The following DSP variants were observed in gnomAD, a reference collection of about 807,000 sequenced individuals.
DSP encodes desmoplakin.
Under a neutral mutation model 290.6 loss-of-function variants are expected in DSP, and 114 were observed. The ratio of observed to expected loss-of-function variants is 0.39; its 90% confidence interval spans 0.34 to 0.46. The LOEUF is 0.46. Ranked by LOEUF, DSP falls within the 20% of genes least tolerant of loss-of-function variation. The pLI is 0.99. For synonymous variants in DSP, 1,311 were observed against 1,316.4 expected (o/e 1.00, Z 0.09); for missense variants, 3,230 against 3,495.8 (o/e 0.92, Z 1.92).
In DSP at chr6:7,582,173, T is replaced by A. The variant is rs1296850381; in HGVS notation, c.5380-469T>A. On this transcript the variant is annotated intron_variant, in intron 23 of 23. Coordinates refer to ENST00000379802, the MANE Select transcript of DSP (RefSeq NM_004415.4). The surrounding 1 kb of genome is among the most constrained non-coding windows in gnomAD (Gnocchi z 4.2). ...GTGTGTGTGTGTGTGTGTGTATATC[T>A]ATATATTATATATATAATTATATAA... Among the ~76,000 whole-genome samples the A allele has an allele frequency of 6.8e-6, 1 of 147,108 alleles. No individual in the cohort carries two copies. The highest frequency in any genetic ancestry group is 2.5e-5 in the African/African-American group (1 of 40,572).
At chr6:7,573,861 T>A (rs1759139231) in intron 15 of DSP, among the ~76,000 whole-genome samples, 1 of 152,152 alleles carries the variant, frequency 6.6e-6, no homozygotes, top group Admixed American at 6.5e-5. Context: ...CAGGTAGTAA[T>A]CTTGTAGTGT....
rs1758615151 is a variant in DSP, at chr6:7,559,461, C to T, written c.597+61C>T. ...GCCAGACGTTCCAGCACGATGGGGTCAGCCCATGTGTTTGTGTGACAAAGA... is the reference window on the plus strand; with the variant it reads ...GCCAGACGTTCCAGCACGATGGGGTTAGCCCATGTGTTTGTGTGACAAAGA... On this transcript the variant is annotated intron_variant, in intron 4 of 23. Transcript: ENST00000379802. 3 of 1,601,662 alleles carry T rather than the reference C, an allele frequency of 1.9e-6. No homozygotes were observed. In the African/African-American group the frequency reaches 4.0e-5, roughly 21 times the overall value.
Position 7,584,422 on chromosome 6 carries a change from C to T in DSP, c.7160C>T (p.Pro2387Leu), listed in dbSNP as rs781533060. 2 of 1,614,128 alleles carry T rather than the reference C, an allele frequency of 1.2e-6. No individual in the cohort carries two copies. The highest frequency in any genetic ancestry group is 2.2e-5 in the South Asian group (2 of 91,070). The stretch of plus-strand genomic sequence containing the variant: ...GACCCAAAGGAGAGCCATCGTTTAC[C>T]AGTTGACATAGCATATAAGAGGGGC... ...IIDPKESHRL[P>L]VDIAYKRGYF... The change falls in exon 24 of 24, where the codon CCA (proline) becomes CTA (leucine). Residue 2387 changes from proline (P) to leucine (L), a missense_variant. Pro to Leu is a moderately conservative substitution (Grantham distance 98, BLOSUM62 -3). This residue lies in a region of DSP where 207 missense variants were observed against 281.2 expected (regional missense o/e 0.74). Coordinates refer to ENST00000379802, the MANE Select transcript of DSP (RefSeq NM_004415.4). The surrounding 1 kb of genome is among the most constrained non-coding windows in gnomAD (Gnocchi z 6.4).
rs186839901 is a variant in DSP at position 7,549,648 on chromosome 6, C to T, written c.171-6070C>T. ...CTATCATAATTCCTAACACACATTTCCTGAGTTTTTCCTAGGTAATTATTC... is the reference window on the plus strand; with the variant it reads ...CTATCATAATTCCTAACACACATTTTCTGAGTTTTTCCTAGGTAATTATTC... On this transcript the variant is annotated intron_variant, in intron 1 of 23. Coordinates refer to ENST00000379802, the MANE Select transcript of DSP (RefSeq NM_004415.4). 2.3e-4 allele frequency among the ~76,000 whole-genome samples: 35 copies of T among 152,256 alleles called. 2 individuals carry two copies. The highest frequency in any genetic ancestry group is 8.2e-4 in the African/African-American group (34 of 41,532).
intron 8 of DSP, among the ~76,000 whole-genome samples, chr6:7,566,691 G>C (rs1758875424): frequency 6.6e-6 from 1 of 152,192 alleles, no homozygotes; most frequent in South Asian, 2.1e-4. Context: ...TTTGGTCTCT[G>C]TTACAATTAC....
intron 1 of DSP, among the ~76,000 whole-genome samples, chr6:7,547,420 A>T (rs978780361): frequency 1.3e-5 from 2 of 151,558 alleles, no homozygotes; most frequent in African/African-American, 4.8e-5. Context: ...TTGGAATTAC[A>T]TTTTGTTTGT....
intron 21 of DSP, 36 bp downstream of exon 21, chr6:7,577,922 C>T (rs1759294565): frequency 6.6e-7 from 1 of 1,522,670 alleles, no homozygotes. Context: ...AAAACCTGCC[C>T]CTCCTTCTGC....
At chr6:7,556,580 C>G (rs1004485573) in intron 2 of DSP, among the ~76,000 whole-genome samples, 2 of 152,220 alleles carry the variant, frequency 1.3e-5, no homozygotes, top group African/African-American at 2.4e-5. Flanking sequence ...TGGCATCTGC[C>G]TCTTCACAAA....
intron 12 of DSP, 80 bp from the exon 13 acceptor site, chr6:7,570,357 G>T: frequency 6.2e-7 from 1 of 1,606,634 alleles, no homozygotes; most frequent in African/African-American, 1.3e-5. Context: ...TTGTGCAGTG[G>T]TGTGAGCGTG....
At chr6:7,574,819 G>T in intron 17 of DSP, 24 bp downstream of exon 17, 1 of 1,614,048 alleles carries the variant, frequency 6.2e-7, no homozygotes. Context: ...TTATAACAGT[G>T]GCCCAACTTA....
chr6:7,580,959 A>T lies in DSP; in HGVS notation c.4769A>T (p.Lys1590Met). Residue 1590 changes from lysine to methionine, a missense_variant, in exon 23 of 24, where the codon AAG (lysine) becomes ATG (methionine). By Grantham distance (95) the Lys-to-Met change is moderately conservative (BLOSUM62 -1). Coordinates refer to ENST00000379802, the MANE Select transcript of DSP (RefSeq NM_004415.4). This position sits in a 1 kb window ranked among gnomAD's most constrained non-coding sequence, Gnocchi z 4.2. ...LKRTASEDSC[K>M]RKKLEEELEG... is the part of the protein sequence containing the mutation. The stretch of plus-strand genomic sequence containing the variant: ...AGGACCGCGTCAGAAGACTCCTGCA[A>T]GAGGAAGAAGCTGGAGGAAGAGCTG... 1 of 1,614,108 alleles carries T rather than the reference A, an allele frequency of 6.2e-7. No individual in the cohort carries two copies. The highest frequency in any genetic ancestry group is 2.2e-5 in the East Asian group (1 of 44,874).
intron 3 of DSP, 115 bp from the exon 4 acceptor site, chr6:7,559,111 A>G: frequency 8.3e-7 from 1 of 1,209,464 alleles, no homozygotes; most frequent in Non-Finnish European, 1.2e-6. Context: ...CAAATACCAT[A>G]AAACATTTGT....
chr6:7,559,125 T>C, intron 3 of DSP, 101 bp from the exon 4 acceptor site: 3 of 1,318,704 alleles, frequency 2.3e-6, no homozygotes, highest in Non-Finnish European at 2.2e-6. Flanking sequence ...CATTTGTAGC[T>C]TCTCTATTGA....
Position 7,580,707 on chromosome 6 carries a change from G to A in DSP, c.4517G>A (p.Arg1506Lys), listed in dbSNP as rs1561699040. The A allele has an allele frequency of 1.9e-6, 3 of 1,613,926 alleles. No homozygotes were observed. Among genetic ancestry groups the A allele is most frequent in the East Asian group, 2.2e-5 (1 of 44,888 alleles). ...DRKCLEDENA[R>K]LQRVQYDLQK... ...AAATGCCTGGAAGATGAAAACGCGAGATTACAAAGGGTCCAGTATGACCTG... is the reference window on the plus strand; with the variant it reads ...AAATGCCTGGAAGATGAAAACGCGAAATTACAAAGGGTCCAGTATGACCTG... Residue 1506 changes from arginine (R) to lysine (K), a missense_variant, in exon 23 of 24, where the codon AGA becomes AAA. Arg to Lys is a conservative substitution (Grantham distance 26, BLOSUM62 2). This residue lies in a region of DSP where 1,714 missense variants were observed against 1,844.5 expected (regional missense o/e 0.93). Transcript: ENST00000379802. This position sits in a 1 kb window ranked among gnomAD's most constrained non-coding sequence, Gnocchi z 4.2.
At chr6:7,568,937 CTA>C (rs1466671543) in intron 11 of DSP, among the ~76,000 whole-genome samples, 1 of 152,124 alleles carries the variant, frequency 6.6e-6, no homozygotes, top group African/African-American at 2.4e-5. Context: ...ATGTCTCTCA[CTA>C]TGGGTGACAC....
rs794728106 is a variant in DSP at position 7,555,821 on chromosome 6, G to A, written c.273+1G>A. 6.2e-7 allele frequency: 1 copy of A among 1,613,500 alleles called. No individual in the cohort carries two copies. Among genetic ancestry groups the A allele is most frequent in the Non-Finnish European group, 8.5e-7 (1 of 1,179,782 alleles). On this transcript the variant is annotated splice_donor_variant, in intron 2 of 23. Transcript: ENST00000379802. LOFTEE classifies it high-confidence loss of function. ...GCGAGCAGAGCTCATCGTGCAGCCT[G>A]TAAGCTTTCCCTGTTCCCATCGCTT... is the stretch of plus-strand genomic sequence containing the variant.
chr6:7,582,887 G>T lies in DSP; in HGVS notation c.5625G>T (p.Glu1875Asp). The T allele has an allele frequency of 6.2e-7, 1 of 1,614,112 alleles. No homozygotes were observed. Residue 1875 changes from glutamate to aspartate, a missense_variant, in exon 24 of 24, where the codon GAG becomes GAT. Transcript: ENST00000379802. This position sits in a 1 kb window ranked among gnomAD's most constrained non-coding sequence, Gnocchi z 4.2. ...GGAAGACTCAATATTCCCGCAAGGA[G>T]GAGGCTATTAGGAAGATAGAATCGG... ...NQWKTQYSRK[E>D]EAIRKIESER...
At position 7,571,964 on chromosome 6, in the gene DSP, C is replaced by T. The variant is rs756249036; in HGVS notation, c.2026C>T (p.Arg676Cys). 11 of 1,613,994 alleles carry T rather than the reference C, an allele frequency of 6.8e-6. No homozygotes were observed. Among genetic ancestry groups the T allele is most frequent in the East Asian group, 2.2e-5 (1 of 44,884 alleles). The change falls in exon 15 of 24, where the codon CGC becomes TGC. Residue 676 changes from arginine to cysteine, a missense_variant. Around this residue, in one of 5 missense-constraint regions of DSP, gnomAD observed 1,714 missense variants for 1,844.5 expected, o/e 0.93. Transcript: ENST00000379802. The part of the protein sequence containing the change: ...TWMLMELQKI[R>C]RQIEHCEGRM... ...GATGCTGATGGAGCTGCAGAAGATT[C>T]GCAGGCAGATAGAGCACTGCGAGGG...
chr6:7,542,218 C>T lies in DSP; in HGVS notation c.170+133C>T. 3 of 1,269,988 alleles carry T rather than the reference C, an allele frequency of 2.4e-6. No homozygotes were observed. The South Asian group carries it at 4.3e-5, about 18-fold the overall frequency. 78.7% of individuals were successfully genotyped at this position (1,269,988 alleles called of 1,614,324 possible). A position where few individuals can be genotyped will look rare whatever the true frequency, so the allele number is the denominator to read the frequency against. On this transcript the variant is annotated intron_variant, in intron 1 of 23. Coordinates refer to ENST00000379802, the MANE Select transcript of DSP (RefSeq NM_004415.4). ...TTGCCCCAGGTCCCGAAAGAACTTCCCGGCCGCGCTGGGAGCAGGACCGGG... is the reference window on the plus strand; with the variant it reads ...TTGCCCCAGGTCCCGAAAGAACTTCTCGGCCGCGCTGGGAGCAGGACCGGG...
Sources: gnomAD v4.1 joint callset for allele counts (sites outside exome capture counted in the v4.1 genomes callset) on GRCh38, gnomAD v4.1.1 for gene constraint, gnomAD v4.1.1 regional missense constraint, Gnocchi (gnomAD v3.1) non-coding constraint, MANE v1.5 for transcripts, NCBI Gene and HGNC (gene_info 2026-07-23, HGNC 2026-07-21) for gene names.